TRMT10B: variants seen among roughly 807,000 people sequenced by gnomAD.
TRMT10B encodes the protein tRNA methyltransferase 10B.
Under a neutral mutation model 43.8 loss-of-function variants are expected in TRMT10B, and 33 were observed. The observed-to-expected ratio is 0.75, with a 90% CI of 0.57 to 1.01. The LOEUF is 1.01. Among genes scored for constraint, TRMT10B ranks in the 50% least tolerant of loss-of-function variants. TRMT10B has a pLI of 0.00. For synonymous variants in TRMT10B, 137 were observed against 130.6 expected, an observed-to-expected ratio of 1.05 and a Z score of -0.34; for missense variants, 362 against 369.8, an observed-to-expected ratio of 0.98 and a Z score of 0.17.
chr9:37,777,532 C>T, intron 8 of TRMT10B, 69 bp from the exon 9 acceptor site: 1 of 1,286,570 alleles, frequency 7.8e-7, no homozygotes, highest in Non-Finnish European at 1.1e-6. Context: ...TATTACAGAA[C>T]ATCCTTTTCA....
At chr9:37,774,360 C>T (rs16934454) in intron 7 of TRMT10B, among the ~76,000 whole-genome samples, 12 of 152,192 alleles carry the variant, frequency 7.9e-5, no homozygotes, top group African/African-American at 2.9e-4. Flanking sequence ...GCATGACTTA[C>T]AGATGTGCAG....
chr9:37,775,188 G>A (rs147100670), intron 7 of TRMT10B, among the ~76,000 whole-genome samples: 1 of 152,212 alleles, frequency 6.6e-6, no homozygotes, highest in Non-Finnish European at 1.5e-5. Context: ...CACAAGAGCT[G>A]TCCATTGAGT....
chr9:37,762,716 ATAT>A (rs1826497156), intron 3 of TRMT10B, 31 bp downstream of exon 3: 3 of 1,535,968 alleles, frequency 2.0e-6, no homozygotes, highest in East Asian at 2.4e-5. Flanking sequence ...TGGTATAATA[ATAT>A]TTATTTTTTA....
rs752226577 is a variant in TRMT10B at position 37,777,692 on chromosome 9, G to C, written c.936G>C (p.Arg312=). ...CTTCAGGAAAAGGCTATATTCTTCG[G>C]AACTCAGTGGAATGATGGGCCTAAG... ...GVSSGKGYIL[R]NSVE is the part of the protein sequence containing the mutation. The change falls in exon 9 of 9, where the codon CGG becomes CGC. Residue 312 remains arginine, a synonymous_variant. Transcript: ENST00000297994. 6.2e-7 allele frequency: 1 copy of C among 1,613,810 alleles called. No individual in the cohort carries two copies. The highest frequency in any genetic ancestry group is 8.5e-7 in the Non-Finnish European group (1 of 1,179,856).
At chr9:37,765,105 T>C (rs1243340446) in intron 4 of TRMT10B, among the ~76,000 whole-genome samples, 1 of 152,158 alleles carries the variant, frequency 6.6e-6, no homozygotes, top group Non-Finnish European at 1.5e-5. Context: ...ATGAAAAGTA[T>C]TTAATTATTT....
At chr9:37,754,510 G>A (rs751383954) in intron 1 of TRMT10B, among the ~76,000 whole-genome samples, 2 of 152,164 alleles carry the variant, frequency 1.3e-5, no homozygotes, top group Non-Finnish European at 2.9e-5. Context: ...GTACTGCAGG[G>A]TTCTAAGCAG....
rs1200162694 is a variant in TRMT10B at position 37,754,219 on chromosome 9, AAAC to A, written c.-30+372_-30+374del. On this transcript the variant is annotated intron_variant, in intron 1 of 8. Transcript: ENST00000297994. ...AAGTATTTATTAAGCATCTATAAGC[AAAC>A]AACACTTGCCTACATTGAAGGGATG... is the stretch of plus-strand genomic sequence containing the variant. Among the ~76,000 whole-genome samples, 7 of 152,372 alleles carry A rather than the reference AAAC, an allele frequency of 4.6e-5. No individual in the cohort carries two copies. In the South Asian group the frequency reaches 8.3e-4, roughly 18 times the overall value.
At position 37,754,149 on chromosome 9, in the gene TRMT10B, C is replaced by T. The variant is rs1037532732; in HGVS notation, c.-30+297C>T. Among the ~76,000 whole-genome samples, 11 of 152,232 alleles carry T rather than the reference C, an allele frequency of 7.2e-5. 1 individual carries two copies. Among genetic ancestry groups the T allele is most frequent in the Admixed American group, 2.0e-4 (3 of 15,290 alleles). On this transcript the variant is annotated intron_variant, in intron 1 of 8. Coordinates refer to ENST00000297994, the MANE Select transcript of TRMT10B (RefSeq NM_144964.4). ...GGCTAGCAAAGGTCTGAGGCCTCTG[C>T]CAACCTAGGGTGGGGGTGCGGAGTG...
At chr9:37,763,591 T>C in intron 3 of TRMT10B, 38 bp from the exon 4 acceptor site, 1 of 1,582,922 alleles carries the variant, frequency 6.3e-7, no homozygotes, top group Non-Finnish European at 8.7e-7. Flanking sequence ...ATTCCTCTGG[T>C]TTTCCACTTT....
chr9:37,761,800 A>T (rs1027122045), intron 1 of TRMT10B, 103 bp from the exon 2 acceptor site: 2 of 788,196 alleles, frequency 2.5e-6, no homozygotes, highest in Admixed American at 2.9e-5. Flanking sequence ...AGTATTTTAC[A>T]CACTTCTTTC....
chr9:37,763,798 G>T, intron 4 of TRMT10B, 45 bp downstream of exon 4: 1 of 1,612,370 alleles, frequency 6.2e-7, no homozygotes, highest in Non-Finnish European at 8.5e-7. Context: ...CCATGAGGGA[G>T]GCCCAGAAGG....
At chr9:37,775,867 A>G (rs1207682219) in intron 7 of TRMT10B, among the ~76,000 whole-genome samples, 1 of 152,028 alleles carries the variant, frequency 6.6e-6, no homozygotes, top group Non-Finnish European at 1.5e-5. Context: ...CCCTAATGCC[A>G]CTTGTTGCAG....
chr9:37,752,997 T>G (rs1326875862), upstream of TRMT10B, among the ~76,000 whole-genome samples: 2 of 152,130 alleles, frequency 1.3e-5, no homozygotes, highest in South Asian at 2.1e-4. Flanking sequence ...ACTGTCTTTG[T>G]GAGCTATAAC....
rs560810201 is a variant in TRMT10B at position 37,762,754 on chromosome 9, G to A, written c.295+69G>A. ...AGCAAACGTGTCTGCATGTTCCAAT[G>A]AGAGTAGGAATTTTGTATAAGTAAA... On this transcript the variant is annotated intron_variant, in intron 3 of 8. Coordinates refer to ENST00000297994, the MANE Select transcript of TRMT10B (RefSeq NM_144964.4). The A allele has an allele frequency of 4.0e-6, 6 of 1,488,004 alleles. No homozygotes were observed. In the African/African-American group the frequency reaches 4.3e-5, roughly 11 times the overall value. 92.2% of individuals were successfully genotyped at this position (1,488,004 alleles called of 1,614,324 possible).
At chr9:37,761,756 A>G in intron 1 of TRMT10B, 147 bp from the exon 2 acceptor site, 1 of 577,738 alleles carries the variant, frequency 1.7e-6, no homozygotes. Flanking sequence ...TATCTGGAAG[A>G]CACATGCTTT....
intron 7 of TRMT10B, 90 bp from the exon 8 acceptor site, chr9:37,776,192 A>G (rs990007816): frequency 1.8e-6 from 2 of 1,115,820 alleles, no homozygotes; most frequent in Non-Finnish European, 2.4e-6. Context: ...TCCATTCCAC[A>G]ATAGGCTACT....
intron 5 of TRMT10B, 60 bp downstream of exon 5, chr9:37,768,288 TA>T (rs776414651): frequency 2.7e-6 from 4 of 1,503,802 alleles, no homozygotes; most frequent in Middle Eastern, 3.8e-4. Context: ...TGGTTAATAG[TA>T]TTTTTTTTTT....
chr9:37,753,075 C>T (rs1000450292), upstream of TRMT10B, among the ~76,000 whole-genome samples: 3 of 152,036 alleles, frequency 2.0e-5, no homozygotes, highest in Non-Finnish European at 4.4e-5. Flanking sequence ...CCACCGAGAG[C>T]GAAGGAACAA....
At position 37,763,715 on chromosome 9, in the gene TRMT10B, T is replaced by C. The variant is rs780447209; in HGVS notation, c.382T>C (p.Cys128Arg). 2.5e-6 allele frequency: 4 copies of C among 1,614,002 alleles called. No individual in the cohort carries two copies. The East Asian group carries it at 6.7e-5, about 27-fold the overall frequency. ...LEAKHSGPRL[C>R]IDLSMTHYMS... ...AGCCAAACACTCAGGACCAAGACTATGTATCGATTTGAGTATGACCCACTA... is the reference window on the plus strand; with the variant it reads ...AGCCAAACACTCAGGACCAAGACTACGTATCGATTTGAGTATGACCCACTA... The change falls in exon 4 of 9, where the codon TGT becomes CGT. Residue 128 changes from cysteine to arginine, a missense_variant. Coordinates refer to ENST00000297994, the MANE Select transcript of TRMT10B (RefSeq NM_144964.4).
Sources: allele counts gnomAD v4.1 joint callset (sites outside exome capture counted in the v4.1 genomes callset), GRCh38; gene constraint gnomAD v4.1.1; transcripts MANE v1.5; gene names NCBI Gene and HGNC (gene_info 2026-07-23, HGNC 2026-07-21).